SNX32: variants seen among roughly 807,000 people sequenced by gnomAD.
SNX32 encodes the protein sorting nexin-32.
In SNX32, 58 loss-of-function variants were observed where a neutral mutation model predicts 57.0. The ratio of observed to expected loss-of-function variants is 1.02; its 90% CI spans 0.82 to 1.27. The LOEUF (loss-of-function observed/expected upper bound fraction) is 1.27. Ranked by LOEUF, SNX32 falls within the 50% of genes most tolerant of loss-of-function variation. The pLI is 0.00. For missense variants in SNX32, 589 were observed against 541.2 expected (o/e 1.09, Z -0.88); for synonymous variants, 262 against 220.4 (o/e 1.19, Z -1.67).
At chr11:65,841,009 G>A (rs936623408) in intron 1 of SNX32, among the ~76,000 whole-genome samples, 1 of 151,388 alleles carries the variant, frequency 6.6e-6, no homozygotes, top group African/African-American at 2.4e-5. Context: ...GCAATGGTGC[G>A]ATCTTGTTTC....
chr11:65,853,146 T>G (rs1365353184), intron 12 of SNX32, 136 bp from the exon 13 acceptor site: 56 of 1,362,386 alleles, frequency 4.1e-5, no homozygotes, highest in Non-Finnish European at 3.7e-5. Context: ...GCCTTCTGGG[T>G]AGGAAGGCCC....
At chr11:65,853,172 T>G in intron 12 of SNX32, 110 bp from the exon 13 acceptor site, 1 of 1,483,246 alleles carries the variant, frequency 6.7e-7, no homozygotes. Flanking sequence ...ACAGCAGCTG[T>G]TATTGCAGAG....
At chr11:65,847,004 AG>A (rs1565250379) in intron 1 of SNX32, among the ~76,000 whole-genome samples, 1 of 99,414 alleles carries the variant, frequency 1.0e-5, no homozygotes, top group Non-Finnish European at 2.1e-5. Context: ...ATTTAGCTTT[AG>A]TTTTTTTTGT....
chr11:65,847,130 C>G lies in SNX32; in HGVS notation c.37-2348C>G, dbSNP rs571843066. ...TCAATCTTCCCACCTCAGCCCCCCC[C>G]AAGTAGCTGGAACCACAGGCATGTG... On this transcript the variant is annotated intron_variant, in intron 1 of 12. Coordinates refer to ENST00000308342, the MANE Select transcript of SNX32 (RefSeq NM_152760.3). Among the ~76,000 whole-genome samples, 46 of 152,116 alleles carry G rather than the reference C, an allele frequency of 3.0e-4. No individual in the cohort carries two copies. In the South Asian group the frequency reaches 3.1e-3, roughly 10 times the overall value.
At chr11:65,850,929 G>C in intron 6 of SNX32, 74 bp downstream of exon 6, 1 of 1,533,960 alleles carries the variant, frequency 6.5e-7, no homozygotes, top group Non-Finnish European at 9.0e-7. Context: ...CCCAGGCTGG[G>C]TGTGGGAAGG....
At chr11:65,852,385 A>G in intron 9 of SNX32, 80 bp from the exon 10 acceptor site, 3 of 1,242,744 alleles carry the variant, frequency 2.4e-6, no homozygotes, top group Non-Finnish European at 3.6e-6. Flanking sequence ...TTTGCTGGAT[A>G]TTTAGATGAA....
chr11:65,843,939 A>C (rs1208768154), intron 1 of SNX32, among the ~76,000 whole-genome samples: 2 of 152,364 alleles, frequency 1.3e-5, no homozygotes, highest in Non-Finnish European at 2.9e-5. Flanking sequence ...GAAGATATGC[A>C]GATGGCTGAT....
Position 65,837,067 on chromosome 11 carries a change from T to G in SNX32, c.36+2966T>G, listed in dbSNP as rs78127370. On this transcript the variant is annotated intron_variant, in intron 1 of 12. Coordinates refer to ENST00000308342, the MANE Select transcript of SNX32 (RefSeq NM_152760.3). ...TGTATCCCAGAACTTAAAGTAAAATTTAAAAATTAAAATAAACAAATAAAA... is the reference window on the plus strand; with the variant it reads ...TGTATCCCAGAACTTAAAGTAAAATGTAAAAATTAAAATAAACAAATAAAA... Among the ~76,000 whole-genome samples, 657 of 151,762 alleles carry G rather than the reference T, an allele frequency of 4.3e-3. 23 individuals are homozygous for G. The East Asian group carries it at 0.1, about 23-fold the overall frequency.
At chr11:65,839,347 A>G (rs1457072318) in intron 1 of SNX32, among the ~76,000 whole-genome samples, 2 of 138,692 alleles carry the variant, frequency 1.4e-5, no homozygotes, top group South Asian at 2.3e-4. Context: ...CTCCCGCCTC[A>G]GCCTCCCAAG....
chr11:65,840,436 T>G (rs1321051194), intron 1 of SNX32, among the ~76,000 whole-genome samples: 1 of 151,844 alleles, frequency 6.6e-6, no homozygotes, highest in African/African-American at 2.4e-5. Context: ...TAAAAAGAAA[T>G]AAAGGTATAA....
At position 65,849,956 on chromosome 11, in the gene SNX32, G is replaced by A. The variant is rs915491652; in HGVS notation, c.178G>A (p.Val60Ile). The change falls in exon 3 of 13, where the codon GTC (valine) becomes ATC (isoleucine). Residue 60 changes from valine (V) to isoleucine (I), a missense_variant. By Grantham distance (29) the Val-to-Ile change is conservative. Transcript: ENST00000308342. ...LPHFAQTEFS[V>I]VRQHEEFIWL... Reference sequence around the variant, plus strand: ...TCACTTCGCCCAGACCGAGTTCTCAGTCGTGCGGCAGCACGAGGAGTTCAT... The same window carrying A: ...TCACTTCGCCCAGACCGAGTTCTCAATCGTGCGGCAGCACGAGGAGTTCAT... 16 of 1,600,114 alleles carry A rather than the reference G, an allele frequency of 1.0e-5. No individual in the cohort carries two copies. The highest frequency in any genetic ancestry group is 1.3e-5 in the Non-Finnish European group (15 of 1,170,520).
chr11:65,851,020 C>G (rs942862757), intron 6 of SNX32, 35 bp from the exon 7 acceptor site: 12 of 1,580,500 alleles, frequency 7.6e-6, no homozygotes, highest in Non-Finnish European at 1.0e-5. Flanking sequence ...CCCGTGGTGA[C>G]CCAGTGTAAA....
Position 65,842,822 on chromosome 11 carries a change from C to T in SNX32, c.37-6656C>T, listed in dbSNP as rs111327848. On this transcript the variant is annotated intron_variant, in intron 1 of 12. Transcript: ENST00000308342. ...AAAATGAGCTGGGTGTGGTGGTGGG[C>T]GCCTGTAATCTCAGCTACTTGGGAG... 3.3e-3 allele frequency among the ~76,000 whole-genome samples: 504 copies of T among 150,470 alleles called. 4 individuals carry two copies. Among genetic ancestry groups the T allele is most frequent in the African/African-American group, 0.012 (486 of 40,964 alleles).
At chr11:65,848,796 G>A (rs1170099102) in intron 1 of SNX32, among the ~76,000 whole-genome samples, 3 of 152,166 alleles carry the variant, frequency 2.0e-5, no homozygotes, top group African/African-American at 7.2e-5. Context: ...GAGGTAGCCA[G>A]CTGGGGAAGG....
At chr11:65,836,830 A>G (rs1037040211) in intron 1 of SNX32, among the ~76,000 whole-genome samples, 3 of 152,058 alleles carry the variant, frequency 2.0e-5, no homozygotes, top group Non-Finnish European at 2.9e-5. Context: ...GTTCTTACTC[A>G]TAAGTGGGAG....
At chr11:65,850,608 T>C in intron 5 of SNX32, 54 bp downstream of exon 5, 9 of 1,565,554 alleles carry the variant, frequency 5.7e-6, no homozygotes, top group Non-Finnish European at 7.8e-6. Context: ...CTACCTTGGG[T>C]GGGGAGGCAC....
chr11:65,849,793 C>T lies in SNX32; in HGVS notation c.142-127C>T. 3 of 797,356 alleles carry T rather than the reference C, an allele frequency of 3.8e-6. No individual in the cohort carries two copies. In the African/African-American group the frequency reaches 5.2e-5, roughly 14 times the overall value. 49.4% of individuals were successfully genotyped at this position (797,356 alleles called of 1,614,324 possible). On this transcript the variant is annotated intron_variant, in intron 2 of 12. Transcript: ENST00000308342. ...GTCCACCATTCTAAATGAAATCATGCACACCTGAGCTCTAACTTTGTCCTC... is the reference window on the plus strand; with the variant it reads ...GTCCACCATTCTAAATGAAATCATGTACACCTGAGCTCTAACTTTGTCCTC...
In SNX32 at chr11:65,849,472, C is replaced by T; in HGVS notation, c.37-6C>T. On this transcript the variant is annotated splice_polypyrimidine_tract_variant and splice_region_variant and intron_variant, in intron 1 of 12. Transcript: ENST00000308342. ...AGCCAGGCCAGAGACCTCCCCTCCT[C>T]CGCAGCCTTCCTGTGCATCGGTGGA... The T allele has an allele frequency of 3.1e-6, 5 of 1,605,074 alleles. No homozygotes were observed. The highest frequency in any genetic ancestry group is 1.3e-5 in the African/African-American group (1 of 75,018).
chr11:65,849,959 G>A lies in SNX32; in HGVS notation c.181G>A (p.Val61Met), dbSNP rs1191995507. The A allele has an allele frequency of 5.0e-6, 8 of 1,602,384 alleles. No homozygotes were observed. The highest frequency in any genetic ancestry group is 3.3e-5 in the South Asian group (3 of 89,906). Residue 61 changes from valine (V) to methionine (M), a missense_variant, in exon 3 of 13, where the codon GTG becomes ATG. Transcript: ENST00000308342. ...PHFAQTEFSV[V>M]RQHEEFIWLH... Reference sequence around the variant, plus strand: ...CTTCGCCCAGACCGAGTTCTCAGTCGTGCGGCAGCACGAGGAGTTCATCTG... The same window carrying A: ...CTTCGCCCAGACCGAGTTCTCAGTCATGCGGCAGCACGAGGAGTTCATCTG...
Sources: gnomAD v4.1 joint callset for allele counts (sites outside exome capture counted in the v4.1 genomes callset) on GRCh38, gnomAD v4.1.1 for gene constraint, MANE v1.5 for transcripts, NCBI Gene and HGNC (gene_info 2026-07-23, HGNC 2026-07-21) for gene names.